The following SPTBN5 variants were observed in gnomAD, a reference collection of about 807,000 sequenced individuals.
The protein encoded by SPTBN5 is spectrin beta, non-erythrocytic 5, also known as spectrin beta chain, non-erythrocytic 5.
A neutral mutation model predicts 477.6 loss-of-function variants in SPTBN5; 513 were observed. That is an observed-to-expected ratio of 1.07 (90% CI 1.00 to 1.16). SPTBN5 has a LOEUF of 1.16. Ranked by LOEUF, SPTBN5 falls within the 50% of genes most tolerant of loss-of-function variation. The pLI is 0.00. For missense variants in SPTBN5, 5,062 were observed against 4,731.8 expected, an observed-to-expected ratio of 1.07 and a Z score of -2.05; for synonymous variants, 2,169 against 2,011.7, an observed-to-expected ratio of 1.08 and a Z score of -2.09.
Position 41,866,334 on chromosome 15 carries a change from C to T in SPTBN5, c.6630+10G>A, listed in dbSNP as rs370411010. On this transcript the variant is annotated intron_variant, in intron 37 of 67. Transcript: ENST00000320955. ...TGGGGCAGGCATGGGGCTGAGGGCCCGGTTGTTACCTTGGCAACAGAGGTC... is the reference window on the plus strand; with the variant it reads ...TGGGGCAGGCATGGGGCTGAGGGCCTGGTTGTTACCTTGGCAACAGAGGTC... 1.9e-4 allele frequency: 305 copies of T among 1,581,548 alleles called. 1 individual carries two copies. In the African/African-American group the frequency reaches 3.7e-3, roughly 19 times the overall value.
At position 41,848,214 on chromosome 15, in the gene SPTBN5, T is replaced by A. The variant is rs991563403; in HGVS notation, c.*402A>T. The stretch of plus-strand genomic sequence containing the variant: ...GTCATTCTAGGCTCTTGGCTGTACA[T>A]GGCAAGGGCTGGTACAGAGCTCGCT... On this transcript the variant is annotated 3_prime_UTR_variant, in exon 68 of 68. Coordinates refer to ENST00000320955, the MANE Select transcript of SPTBN5 (RefSeq NM_016642.4). 2 of 506,376 alleles carry A rather than the reference T, an allele frequency of 3.9e-6. No homozygotes were observed. The highest frequency in any genetic ancestry group is 7.1e-6 in the Non-Finnish European group (2 of 279,914). The allele number at this position is 506,376 out of a possible 1,614,324, so 31.4% of individuals were successfully genotyped here.
At chr15:41,863,658 C>G (rs749923646) in intron 41 of SPTBN5, 46 bp downstream of exon 41, 1 of 1,495,160 alleles carries the variant, frequency 6.7e-7, no homozygotes, top group Non-Finnish European at 9.3e-7. Flanking sequence ...CCTCCCCTGA[C>G]TGCATTTGCT....
intron 14 of SPTBN5, 47 bp downstream of exon 14, chr15:41,880,113 A>T: frequency 6.5e-7 from 1 of 1,536,626 alleles, no homozygotes; most frequent in Non-Finnish European, 8.7e-7. Flanking sequence ...GACCACAGGG[A>T]GGCAGGGGCA....
At chr15:41,853,205 G>T (rs2065830328) in intron 59 of SPTBN5, 53 bp downstream of exon 59, 3 of 1,540,956 alleles carry the variant, frequency 1.9e-6, no homozygotes, top group Middle Eastern at 3.6e-4. Context: ...GAGGCCCTGG[G>T]CAATCAGGCT....
chr15:41,862,112 G>A lies in SPTBN5; in HGVS notation c.7548+18C>T. The A allele has an allele frequency of 2.6e-6, 4 of 1,541,364 alleles. No homozygotes were observed. Among genetic ancestry groups the A allele is most frequent in the Non-Finnish European group, 3.5e-6 (4 of 1,140,130 alleles). The stretch of plus-strand genomic sequence containing the variant: ...GAGCTGAGAGCCTGGGAAAGGCTTG[G>A]GCCAGCTGCCCATTCACCTTGCACT... On this transcript the variant is annotated intron_variant, in intron 44 of 67. Transcript: ENST00000320955.
Position 41,855,441 on chromosome 15 carries a change from A to T in SPTBN5, c.9219-13T>A, listed in dbSNP as rs2305655. On this transcript the variant is annotated splice_polypyrimidine_tract_variant and intron_variant, in intron 54 of 67. Transcript: ENST00000320955. ...TAGCACCTTGGGGCTGTGGGAAGAGAGCGACAGTCTGGACTGCAGCCCTGC... is the reference window on the plus strand; with the variant it reads ...TAGCACCTTGGGGCTGTGGGAAGAGTGCGACAGTCTGGACTGCAGCCCTGC... 21 of 1,598,038 alleles carry T rather than the reference A, an allele frequency of 1.3e-5. No homozygotes were observed. Among genetic ancestry groups the T allele is most frequent in the South Asian group, 2.2e-5 (2 of 90,514 alleles).
intron 28 of SPTBN5, 41 bp downstream of exon 28, chr15:41,871,741 C>G: frequency 1.3e-6 from 2 of 1,493,862 alleles, no homozygotes; most frequent in Non-Finnish European, 1.8e-6. Context: ...CCCATAGGCT[C>G]TGCCTCAGGG....
At position 41,857,350 on chromosome 15, in the gene SPTBN5, C is replaced by T; in HGVS notation, c.8509G>A (p.Asp2837Asn). 1 of 1,572,766 alleles carries T rather than the reference C, an allele frequency of 6.4e-7. No individual in the cohort carries two copies. Among genetic ancestry groups the T allele is most frequent in the Non-Finnish European group, 8.6e-7 (1 of 1,159,446 alleles). Residue 2837 changes from aspartate (D) to asparagine (N), a missense_variant, in exon 51 of 68, where the codon GAC becomes AAC. By Grantham distance (23) the Asp-to-Asn change is conservative. Transcript: ENST00000320955. The stretch of plus-strand genomic sequence containing the variant: ...GCCTCAGCCTGCCTGGCCTTCTTGT[C>T]CACTGCTGCCTCCAGCTCCCTCTGT... The part of the protein sequence containing the change: ...GTQRELEAAV[D>N]KKARQAEALL...
chr15:41,878,508 G>A lies in SPTBN5; in HGVS notation c.3304C>T (p.Gln1102Ter), dbSNP rs775518103. The A allele has an allele frequency of 6.2e-6, 10 of 1,613,200 alleles. No individual in the cohort carries two copies. In the Admixed American group the frequency reaches 1.7e-4, roughly 27 times the overall value. Reference sequence around the variant, plus strand: ...TCTTGCAGGAAGCTCTGCCGGGCCTGAGTCTCAGCCTGGCGCCGGGCCCGT... The same window carrying A: ...TCTTGCAGGAAGCTCTGCCGGGCCTAAGTCTCAGCCTGGCGCCGGGCCCGT... ...AQRARRQAET[Q>*]ARQSFLQESQ... The change falls in exon 17 of 68, where the codon CAG becomes TAG. Residue 1102 changes from glutamine (Q) to a stop codon, truncating the protein, a stop_gained. Coordinates refer to ENST00000320955, the MANE Select transcript of SPTBN5 (RefSeq NM_016642.4). LOFTEE classifies it high-confidence loss of function.
At position 41,873,516 on chromosome 15, in the gene SPTBN5, G is replaced by A; in HGVS notation, c.4983C>T (p.Thr1661=). Residue 1661 remains threonine, a synonymous_variant, in exon 26 of 68, where the codon ACC becomes ACT. Transcript: ENST00000320955. ...SRDYGRDEAA[T]LRLINKHQAL... is the part of the protein sequence containing the mutation. Reference sequence around the variant, plus strand: ...CCTGGTGCTTGTTAATGAGCCTGAGGGTGGCTGCCTCGTCTCTGCCATAGT... The same window carrying A: ...CCTGGTGCTTGTTAATGAGCCTGAGAGTGGCTGCCTCGTCTCTGCCATAGT... The A allele has an allele frequency of 6.4e-7, 1 of 1,551,696 alleles. No individual in the cohort carries two copies. Among genetic ancestry groups the A allele is most frequent in the Non-Finnish European group, 8.7e-7 (1 of 1,147,006 alleles).
Position 41,851,001 on chromosome 15 carries a change from C to G in SPTBN5, c.10835+58G>C, listed in dbSNP as rs749402222. The G allele has an allele frequency of 3.5e-5, 55 of 1,590,644 alleles. No homozygotes were observed. In the Middle Eastern group the frequency reaches 5.0e-4, roughly 14 times the overall value. ...CTTTGGGGACCCCCACGCCTCCAGC[C>G]CCCGCTGAGCCAGGTGGCTGCTGGG... On this transcript the variant is annotated intron_variant, in intron 65 of 67. Coordinates refer to ENST00000320955, the MANE Select transcript of SPTBN5 (RefSeq NM_016642.4).
rs1335075826 is a variant in SPTBN5, at chr15:41,892,892, A to G, written c.384+2T>C. The G allele has an allele frequency of 6.3e-7, 1 of 1,594,666 alleles. No homozygotes were observed. The highest frequency in any genetic ancestry group is 8.5e-7 in the Non-Finnish European group (1 of 1,174,148). ...TCCCAGACCCCTTTCCCTGGGGCCCACCTTGGCCCTGAGGAAGGCCAGAGC... is the reference window on the plus strand; with the variant it reads ...TCCCAGACCCCTTTCCCTGGGGCCCGCCTTGGCCCTGAGGAAGGCCAGAGC... On this transcript the variant is annotated splice_donor_variant, in intron 3 of 67. Transcript: ENST00000320955. LOFTEE classifies it high-confidence loss of function.
At chr15:41,884,381 A>C (rs1418862380) in intron 7 of SPTBN5, among the ~76,000 whole-genome samples, 1 of 152,082 alleles carries the variant, frequency 6.6e-6, no homozygotes, top group African/African-American at 2.4e-5. Flanking sequence ...TGGCCTCCCA[A>C]AGTGCTGAGA....
At position 41,863,691 on chromosome 15, in the gene SPTBN5, T is replaced by C. The variant is rs1192167999; in HGVS notation, c.7149+13A>G. 1.2e-6 allele frequency: 2 copies of C among 1,609,372 alleles called. No individual in the cohort carries two copies. The highest frequency in any genetic ancestry group is 2.7e-5 in the African/African-American group (2 of 74,842). ...GCTCACAGCCCCCACCGGGACCTCT[T>C]TCCACCACGTACCTTCTCCTGAATC... On this transcript the variant is annotated intron_variant, in intron 41 of 67. Transcript: ENST00000320955.
At position 41,886,201 on chromosome 15, in the gene SPTBN5, G is replaced by C. The variant is rs755228815; in HGVS notation, c.1054C>G (p.Arg352Gly). Residue 352 changes from arginine to glycine, a missense_variant, in exon 7 of 68, where the codon CGC becomes GGC. Physicochemically the swap from Arg to Gly is moderately radical, Grantham distance 125. Coordinates refer to ENST00000320955, the MANE Select transcript of SPTBN5 (RefSeq NM_016642.4). ...RQLLAAFTIF[R>G]TQEKPPRLQQ... ...AGCCGGGGTGGCTTCTCCTGGGTGC[G>C]GAAGATGGTGAATGCTGCCAGTAGC... The C allele has an allele frequency of 6.2e-7, 1 of 1,612,926 alleles. No individual in the cohort carries two copies. The highest frequency in any genetic ancestry group is 8.5e-7 in the Non-Finnish European group (1 of 1,179,896).
In SPTBN5 at chr15:41,873,870, A is replaced by G. The variant is rs1456404035; in HGVS notation, c.4865T>C (p.Leu1622Pro). Residue 1622 changes from leucine to proline, a missense_variant, in exon 25 of 68, where the codon CTG (leucine) becomes CCG (proline). Transcript: ENST00000320955. ...ERACEARAQC[L>P]QQAVTFQQYF... ...CTGCTGGAAAGTGACAGCCTGCTGC[A>G]GACACTGGGCCCGCGCTTCACATGC... 2 of 1,611,194 alleles carry G rather than the reference A, an allele frequency of 1.2e-6. No individual in the cohort carries two copies. Among genetic ancestry groups the G allele is most frequent in the Admixed American group, 3.3e-5 (2 of 60,032 alleles).
chr15:41,855,575 G>C lies in SPTBN5; in HGVS notation c.9192C>G (p.Leu3064=). The C allele has an allele frequency of 6.2e-7, 1 of 1,611,972 alleles. No individual in the cohort carries two copies. Among genetic ancestry groups the C allele is most frequent in the Non-Finnish European group, 8.5e-7 (1 of 1,179,630 alleles). ...TTTCTGGGTTCTTCCTGCTCTCCAG[G>C]AGTGCTGCTGTCTGCTGCAGCCGCT... ...RIERLQQTAA[L]LESRKNPESP... is the part of the protein sequence containing the mutation. Residue 3064 remains leucine, a synonymous_variant, in exon 54 of 68, where the codon CTC becomes CTG. Transcript: ENST00000320955.
chr15:41,856,677 G>C, intron 52 of SPTBN5, 79 bp from the exon 53 acceptor site: 1 of 1,422,696 alleles, frequency 7.0e-7, no homozygotes, highest in Admixed American at 2.3e-5. Context: ...AGTTTCACGG[G>C]ACCCCACTAA....
intron 55 of SPTBN5, 32 bp from the exon 56 acceptor site, chr15:41,855,008 T>G (rs1648826): frequency 9.3e-6 from 14 of 1,508,770 alleles, no homozygotes; most frequent in African/African-American, 4.2e-5. Context: ...CAGGGTCACT[T>G]GAGATGGTAT....
Sources: gnomAD v4.1 joint callset for allele counts (sites outside exome capture counted in the v4.1 genomes callset) on GRCh38, gnomAD v4.1.1 for gene constraint, MANE v1.5 for transcripts, NCBI Gene and HGNC (gene_info 2026-07-23, HGNC 2026-07-21) for gene names.